The following RBFOX1 variants were observed in gnomAD, a reference collection of about 807,000 sequenced individuals.
The protein encoded by RBFOX1 is RNA binding protein fox-1 homolog 1.
RBFOX1 carries 8 observed loss-of-function variants against 57.7 expected under a neutral mutation model. That is an observed-to-expected ratio of 0.14 (90% CI 0.08 to 0.25). The LOEUF (loss-of-function observed/expected upper bound fraction) is 0.25, where lower values mean the gene tolerates loss of function less well. Among genes scored for constraint, RBFOX1 ranks in the 10% least tolerant of loss-of-function variants. The pLI is 1.00. For missense variants in RBFOX1, 611 were observed against 548.5 expected (o/e 1.11, Z -1.14); for synonymous variants, 326 against 222.4 (o/e 1.47, Z -4.15).
intron 2 of RBFOX1, among the ~76,000 whole-genome samples, chr16:6,441,750 C>A (rs1410323437): frequency 6.6e-6 from 1 of 152,096 alleles, no homozygotes; most frequent in African/African-American, 2.4e-5. Flanking sequence ...GACTGTCTGT[C>A]TTCACGTAGC....
chr16:5,408,805 T>C (rs1467861868), intron 1 of RBFOX1, among the ~76,000 whole-genome samples: 1 of 151,844 alleles, frequency 6.6e-6, no homozygotes, highest in East Asian at 1.9e-4. Context: ...CAAGACAGAG[T>C]TGGGGGTTGG....
chr16:6,611,697 G>C (rs75983867), intron 2 of RBFOX1, among the ~76,000 whole-genome samples: 4 of 152,106 alleles, frequency 2.6e-5, no homozygotes, highest in African/African-American at 7.2e-5. Flanking sequence ...TACCTTGTCC[G>C]TGGCTTCTGG....
intron 3 of RBFOX1, among the ~76,000 whole-genome samples, chr16:7,010,491 G>A (rs574941267): frequency 1.3e-5 from 2 of 152,198 alleles, no homozygotes. Flanking sequence ...GCCAGTGAAG[G>A]AGATGTGGGT....
intron 2 of RBFOX1, among the ~76,000 whole-genome samples, chr16:5,593,342 A>C (rs1287709736): frequency 2.5e-5 from 3 of 119,886 alleles, no homozygotes; most frequent in African/African-American, 9.8e-5. Context: ...GGCCTGTCAG[A>C]GGGTGGGGGG....
intron 4 of RBFOX1, among the ~76,000 whole-genome samples, chr16:7,341,810 C>G (rs1323040340): frequency 8.8e-6 from 1 of 113,956 alleles, no homozygotes; most frequent in Non-Finnish European, 1.8e-5. Context: ...TTCCTTCCTT[C>G]CTTCCTTCCT....
intron 1 of RBFOX1, among the ~76,000 whole-genome samples, chr16:6,205,691 G>A (rs189472710): frequency 6.6e-6 from 1 of 151,806 alleles, no homozygotes; most frequent in Non-Finnish European, 1.5e-5. Context: ...TCACTGATAG[G>A]CACTCTCTCT....
At chr16:7,420,958 C>T (rs1325160126) in intron 4 of RBFOX1, among the ~76,000 whole-genome samples, 37 of 146,424 alleles carry the variant, frequency 2.5e-4, no homozygotes, top group African/African-American at 8.7e-4. Context: ...CACACACACA[C>T]ACATATATAT....
intron 3 of RBFOX1, among the ~76,000 whole-genome samples, chr16:6,840,661 G>T (rs1051650841): frequency 5.3e-5 from 8 of 151,922 alleles, no homozygotes; most frequent in African/African-American, 1.2e-4. Flanking sequence ...GGCCGAGGCT[G>T]GTGGATCATG....
chr16:7,067,419 T>G (rs1403942436), intron 4 of RBFOX1, among the ~76,000 whole-genome samples: 1 of 152,116 alleles, frequency 6.6e-6, no homozygotes, highest in Non-Finnish European at 1.5e-5. Flanking sequence ...AAGGCTGTGT[T>G]TCTTTTGGAG....
At chr16:6,645,578 A>T (rs1298545492) in intron 2 of RBFOX1, among the ~76,000 whole-genome samples, 1 of 152,158 alleles carries the variant, frequency 6.6e-6, no homozygotes, top group African/African-American at 2.4e-5. Flanking sequence ...CTCTCTCGGG[A>T]GAGAGAACTG....
At chr16:5,998,253 C>T (rs2060524076) in intron 4 of RBFOX1, among the ~76,000 whole-genome samples, 1 of 152,122 alleles carries the variant, frequency 6.6e-6, no homozygotes, top group African/African-American at 2.4e-5. Context: ...TGGATCTCTC[C>T]CTTAGATCTC....
intron 1 of RBFOX1, among the ~76,000 whole-genome samples, chr16:6,034,783 T>C (rs919710175): frequency 1.3e-5 from 2 of 152,126 alleles, no homozygotes; most frequent in African/African-American, 4.8e-5. Context: ...CACATCTTTG[T>C]CCTCATAACA....
chr16:6,573,388 C>G (rs2097372861), intron 2 of RBFOX1, among the ~76,000 whole-genome samples: 1 of 152,138 alleles, frequency 6.6e-6, no homozygotes, highest in Non-Finnish European at 1.5e-5. Context: ...TTCTTTACAG[C>G]TGTTACTTTA....
chr16:6,713,786 T>C (rs1481083784), intron 3 of RBFOX1, among the ~76,000 whole-genome samples: 1 of 152,136 alleles, frequency 6.6e-6, no homozygotes, highest in Non-Finnish European at 1.5e-5. Context: ...TGTTTCAGTT[T>C]TGACACCACC....
At chr16:7,008,564 C>G (rs1254946038) in intron 3 of RBFOX1, among the ~76,000 whole-genome samples, 3 of 151,848 alleles carry the variant, frequency 2.0e-5, no homozygotes, top group Admixed American at 6.6e-5. Context: ...ATTCAGTGAA[C>G]AAGAGTAAAT....
intron 1 of RBFOX1, among the ~76,000 whole-genome samples, chr16:6,051,103 G>GT (rs913263693): frequency 5.0e-4 from 75 of 150,628 alleles, no homozygotes; most frequent in African/African-American, 1.8e-3. Flanking sequence ...AGTAATTGCA[G>GT]TTTTTTCCCA....
chr16:7,003,678 G>A (rs879870586), intron 3 of RBFOX1, among the ~76,000 whole-genome samples: 6 of 152,072 alleles, frequency 3.9e-5, no homozygotes, highest in Non-Finnish European at 7.4e-5. Context: ...AGGAACATAG[G>A]AAAGCTTAGT....
At chr16:6,490,905 T>A (rs1356030091) in intron 2 of RBFOX1, among the ~76,000 whole-genome samples, 2 of 152,200 alleles carry the variant, frequency 1.3e-5, no homozygotes, top group South Asian at 4.1e-4. Context: ...TGTCCTTTTT[T>A]AATACAGTTC....
In RBFOX1 at chr16:7,676,774, G is replaced by A; in HGVS notation, c.931G>A (p.Gly311Ser). Residue 311 changes from glycine (G) to serine (S), a missense_variant and splice_region_variant, in exon 14 of 16, where the codon GGT becomes AGT. By Grantham distance (56) the Gly-to-Ser change is moderately conservative. This residue lies in a region of RBFOX1 where 267 missense variants were observed against 229.1 expected (regional missense o/e 1.17). Coordinates refer to ENST00000550418, the MANE Select transcript of RBFOX1 (RefSeq NM_018723.4). Reference protein sequence around the residue: ...QDGFYGADIYGGYAAYRYAQP... With the variant: ...QDGFYGADIYSGYAAYRYAQP... ...AGTCACATTTCTCCTTGTGTTTTAG[G>A]GTGGTTATGCTGCATACCGCTACGC... 1 of 1,612,298 alleles carries A rather than the reference G, an allele frequency of 6.2e-7. No homozygotes were observed. Among genetic ancestry groups the A allele is most frequent in the Non-Finnish European group, 8.5e-7 (1 of 1,178,820 alleles).
Sources: gnomAD v4.1 joint callset for allele counts (sites outside exome capture counted in the v4.1 genomes callset) on GRCh38, gnomAD v4.1.1 for gene constraint, gnomAD v4.1.1 regional missense constraint, MANE v1.5 for transcripts, NCBI Gene and HGNC (gene_info 2026-07-23, HGNC 2026-07-21) for gene names.